The following NELL1 variants were observed in gnomAD, a reference collection of about 807,000 sequenced individuals.
NELL1 encodes the protein protein kinase C-binding protein NELL1.
In NELL1, 76 loss-of-function variants were observed where a neutral mutation model predicts 107.4. The ratio of observed to expected loss-of-function variants is 0.71; its 90% CI spans 0.59 to 0.86. NELL1 has a LOEUF of 0.86. NELL1 is among the 40% of genes least tolerant of loss of function. The pLI is 0.00. For missense variants in NELL1, 1,024 were observed against 1,005.5 expected, an observed-to-expected ratio of 1.02 and a Z score of -0.25; for synonymous variants, 353 against 341.2, an observed-to-expected ratio of 1.03 and a Z score of -0.38.
chr11:20,695,933 T>A (rs556269888), intron 2 of NELL1, among the ~76,000 whole-genome samples: 38 of 152,140 alleles, frequency 2.5e-4, no homozygotes, highest in Admixed American at 3.3e-4. Context: ...TAGGATTTTT[T>A]AAAATTACTT....
chr11:20,801,023 C>T (rs922213156), intron 3 of NELL1, among the ~76,000 whole-genome samples: 1 of 152,142 alleles, frequency 6.6e-6, no homozygotes, highest in South Asian at 2.1e-4. Context: ...AAAAATCCAG[C>T]TTTCCACCTT....
chr11:20,886,672 G>A lies in NELL1; in HGVS notation c.603+1132G>A, dbSNP rs571862826. On this transcript the variant is annotated intron_variant, in intron 5 of 19. Transcript: ENST00000357134. The stretch of plus-strand genomic sequence containing the variant: ...AACAATGAGAACACATGGACACAGG[G>A]TGGGGAACATCATACACTGGGGCTG... Among the ~76,000 whole-genome samples, 11 of 152,230 alleles carry A rather than the reference G, an allele frequency of 7.2e-5. No homozygotes were observed. The East Asian group carries it at 1.2e-3, about 16-fold the overall frequency.
At chr11:20,704,947 AT>A (rs1397686889) in intron 2 of NELL1, among the ~76,000 whole-genome samples, 1 of 152,198 alleles carries the variant, frequency 6.6e-6, no homozygotes, top group African/African-American at 2.4e-5. Context: ...TAGGAATCCA[AT>A]TTACAAGGGA....
intron 2 of NELL1, among the ~76,000 whole-genome samples, chr11:20,700,122 T>C (rs976465696): frequency 3.5e-5 from 5 of 142,404 alleles, no homozygotes; most frequent in Non-Finnish European, 7.9e-5. Flanking sequence ...GAACTGTTTT[T>C]AGAAAAAACA....
At chr11:20,957,555 T>C (rs1409697397) in intron 11 of NELL1, among the ~76,000 whole-genome samples, 1 of 152,174 alleles carries the variant, frequency 6.6e-6, no homozygotes, top group Admixed American at 6.5e-5. Flanking sequence ...CTATTCAGCA[T>C]AAACAACAAA....
At chr11:20,967,467 G>A (rs59616819) in intron 12 of NELL1, among the ~76,000 whole-genome samples, 3,256 of 152,168 alleles carry the variant, frequency 0.021, 116 homozygotes, top group African/African-American at 0.073. Flanking sequence ...GTTCCAGGGT[G>A]TTGAAAACAG....
intron 4 of NELL1, among the ~76,000 whole-genome samples, chr11:20,866,976 G>A (rs975843770): frequency 5.9e-5 from 9 of 152,202 alleles, no homozygotes; most frequent in Non-Finnish European, 1.0e-4. Flanking sequence ...GGATTACTAT[G>A]CATAGCTGGC....
chr11:20,841,214 A>G (rs1461917985), intron 3 of NELL1, among the ~76,000 whole-genome samples: 1 of 152,112 alleles, frequency 6.6e-6, no homozygotes, highest in African/African-American at 2.4e-5. Context: ...CCACCACCCA[A>G]TAAGGCCTCA....
intron 2 of NELL1, among the ~76,000 whole-genome samples, chr11:20,761,115 G>C (rs894837748): frequency 6.6e-6 from 1 of 152,232 alleles, no homozygotes; most frequent in Non-Finnish European, 1.5e-5. Flanking sequence ...AGGTTGTGAG[G>C]TGGTGGAGGA....
At chr11:20,726,366 A>G (rs1271022454) in intron 2 of NELL1, among the ~76,000 whole-genome samples, 2 of 152,222 alleles carry the variant, frequency 1.3e-5, no homozygotes, top group African/African-American at 2.4e-5. Context: ...TGCTGGGTTT[A>G]TGCAAAGTGA....
chr11:21,240,797 C>A (rs1310934716), intron 14 of NELL1, among the ~76,000 whole-genome samples: 1 of 151,228 alleles, frequency 6.6e-6, no homozygotes, highest in African/African-American at 2.4e-5. Context: ...CTATTGGATG[C>A]GCTTAAAACA....
chr11:21,051,048 GGAAA>G (rs1475382041), intron 12 of NELL1, among the ~76,000 whole-genome samples: 1 of 152,034 alleles, frequency 6.6e-6, no homozygotes. Flanking sequence ...TCTACTCAGA[GGAAA>G]GAAAGTACTT....
intron 12 of NELL1, among the ~76,000 whole-genome samples, chr11:21,009,144 A>T (rs911370781): frequency 6.6e-6 from 1 of 152,122 alleles, no homozygotes; most frequent in Non-Finnish European, 1.5e-5. Context: ...GGACCCAAGG[A>T]TGCTCATCTC....
chr11:20,982,994 G>A (rs557721733), intron 12 of NELL1, among the ~76,000 whole-genome samples: 85 of 152,196 alleles, frequency 5.6e-4, no homozygotes, highest in Non-Finnish European at 3.7e-4. Context: ...GTTATTTTAA[G>A]ATCTGATTTT....
chr11:20,784,729 C>T (rs1434606154), intron 3 of NELL1, among the ~76,000 whole-genome samples: 2 of 152,098 alleles, frequency 1.3e-5, no homozygotes, highest in East Asian at 3.9e-4. Flanking sequence ...ATACTGGGTT[C>T]CTCTGTATTA....
intron 12 of NELL1, among the ~76,000 whole-genome samples, chr11:21,016,425 C>T (rs1852565352): frequency 6.6e-6 from 1 of 152,076 alleles, no homozygotes; most frequent in Admixed American, 6.6e-5. Flanking sequence ...AGCAGGGCAC[C>T]TCAGGTTTGC....
intron 13 of NELL1, among the ~76,000 whole-genome samples, chr11:21,162,726 C>A (rs1159210877): frequency 6.6e-6 from 1 of 152,072 alleles, no homozygotes; most frequent in Non-Finnish European, 1.5e-5. Context: ...TGGGTGGTGT[C>A]TCATACAGAG....
chr11:21,490,440 C>A (rs1201469006), intron 15 of NELL1, among the ~76,000 whole-genome samples: 8 of 117,122 alleles, frequency 6.8e-5, no homozygotes, highest in South Asian at 3.0e-4. Flanking sequence ...AAAATCAATT[C>A]TAAAATGTGT....
At chr11:21,226,259 A>G (rs1432739945) in intron 13 of NELL1, among the ~76,000 whole-genome samples, 1 of 152,196 alleles carries the variant, frequency 6.6e-6, no homozygotes, top group Non-Finnish European at 1.5e-5. Context: ...CTCAGTAAGT[A>G]TGTAGGAGAT....
Sources: gnomAD v4.1 joint callset for allele counts (sites outside exome capture counted in the v4.1 genomes callset) on GRCh38, gnomAD v4.1.1 for gene constraint, MANE v1.5 for transcripts, NCBI Gene and HGNC (gene_info 2026-07-23, HGNC 2026-07-21) for gene names.